CCDC28A: variants seen among roughly 807,000 people sequenced by gnomAD.
CCDC28A encodes coiled-coil domain containing 28A.
Under a neutral mutation model 22.1 loss-of-function variants are expected in CCDC28A, and 24 were observed. That is an observed-to-expected ratio of 1.09 (90% CI 0.79 to 1.53). CCDC28A has a LOEUF of 1.53. CCDC28A is among the 40% of genes most tolerant of loss of function. The pLI, the probability that CCDC28A is intolerant of heterozygous loss-of-function variation, is 0.00. For synonymous variants in CCDC28A, 83 were observed against 74.7 expected, an observed-to-expected ratio of 1.11 and a Z score of -0.57; for missense variants, 170 against 210.7, an observed-to-expected ratio of 0.81 and a Z score of 1.20.
intron 3 of CCDC28A, among the ~76,000 whole-genome samples, chr6:138,784,287 A>G (rs1417988011): frequency 1.3e-5 from 2 of 151,912 alleles, no homozygotes; most frequent in African/African-American, 4.8e-5. Flanking sequence ...TTGCTTCTAC[A>G]TATTATATTA....
intron 4 of CCDC28A, among the ~76,000 whole-genome samples, chr6:138,785,956 A>T (rs767884989): frequency 6.6e-6 from 1 of 152,194 alleles, no homozygotes; most frequent in Non-Finnish European, 1.5e-5. Flanking sequence ...GACATTTGCT[A>T]TTTCTGCTAA....
Position 138,792,765 on chromosome 6 carries a change from G to C in CCDC28A, c.517G>C (p.Ala173Pro). 1 of 1,607,096 alleles carries C rather than the reference G, an allele frequency of 6.2e-7. No individual in the cohort carries two copies. Among genetic ancestry groups the C allele is most frequent in the Non-Finnish European group, 8.5e-7 (1 of 1,176,262 alleles). ...TTAATTCAGACAAAAACTCCATTTG[G>C]CAGATGCACAAGATGTTCCAAATAC... ...LNSSIQKLHL[A>P]DAQDVPNTSA... is the part of the protein sequence containing the mutation. Residue 173 changes from alanine to proline, a missense_variant, in exon 6 of 6, where the codon GCA becomes CCA. Ala to Pro is a conservative substitution (Grantham distance 27). Coordinates refer to ENST00000617445, the MANE Select transcript of CCDC28A (RefSeq NM_015439.3).
chr6:138,787,957 C>CTTT (rs397886393), intron 4 of CCDC28A, among the ~76,000 whole-genome samples: 50 of 85,290 alleles, frequency 5.9e-4, no homozygotes, highest in South Asian at 8.1e-4. Flanking sequence ...TTACAGAAAG[C>CTTT]TTTTTTTTTT....
At chr6:138,784,424 C>A (rs1280548245) in intron 3 of CCDC28A, among the ~76,000 whole-genome samples, 1 of 150,272 alleles carries the variant, frequency 6.7e-6, no homozygotes, top group Non-Finnish European at 1.5e-5. Flanking sequence ...GAACACAGCT[C>A]ACTGCAACCT....
At chr6:138,778,678 C>T (rs778684007) in intron 2 of CCDC28A, among the ~76,000 whole-genome samples, 39 of 151,436 alleles carry the variant, frequency 2.6e-4, no homozygotes, top group Non-Finnish European at 4.6e-4. Context: ...TTCTAGGAAA[C>T]GAAAGAGATT....
At chr6:138,788,722 G>A (rs961928573) in intron 5 of CCDC28A, among the ~76,000 whole-genome samples, 6 of 151,898 alleles carry the variant, frequency 4.0e-5, no homozygotes, top group African/African-American at 1.2e-4. Context: ...GATTACAGGC[G>A]TGAGACACCA....
At chr6:138,784,570 A>G (rs988604252) in intron 3 of CCDC28A, among the ~76,000 whole-genome samples, 1 of 151,968 alleles carries the variant, frequency 6.6e-6, no homozygotes, top group Non-Finnish European at 1.5e-5. Context: ...CCATGTTGCC[A>G]GGCTGGTCTT....
intron 4 of CCDC28A, among the ~76,000 whole-genome samples, chr6:138,787,014 C>T (rs760863154): frequency 2.0e-5 from 3 of 152,080 alleles, no homozygotes; most frequent in Non-Finnish European, 4.4e-5. Context: ...AAAAGAACGC[C>T]GAATTTGAAA....
intron 2 of CCDC28A, among the ~76,000 whole-genome samples, 162 bp from the exon 3 acceptor site, chr6:138,779,659 CT>C (rs1021228335): frequency 4.0e-5 from 6 of 151,840 alleles, no homozygotes; most frequent in African/African-American, 1.5e-4. Flanking sequence ...TTTTCACAAC[CT>C]TTTTTTTCTT....
In CCDC28A at chr6:138,780,002, T is replaced by G. The variant is rs372332723; in HGVS notation, c.322+17T>G. ...AAGCATTTGGTAAGCAATAGATGTT[T>G]CTGTATTATTTTTTTCTCTAAGATG... On this transcript the variant is annotated intron_variant, in intron 3 of 5. Transcript: ENST00000617445. 5 of 1,579,810 alleles carry G rather than the reference T, an allele frequency of 3.2e-6. No homozygotes were observed. Among genetic ancestry groups the G allele is most frequent in the Non-Finnish European group, 4.3e-6 (5 of 1,162,042 alleles).
chr6:138,788,848 A>AT (rs1350256627), intron 5 of CCDC28A, among the ~76,000 whole-genome samples: 1 of 151,932 alleles, frequency 6.6e-6, no homozygotes, highest in Non-Finnish European at 1.5e-5. Context: ...AAGACAAATT[A>AT]TTTTTTATCA....
intron 3 of CCDC28A, among the ~76,000 whole-genome samples, chr6:138,782,954 T>A (rs190141282): frequency 2.0e-3 from 299 of 152,138 alleles, no homozygotes; most frequent in African/African-American, 6.4e-3. Flanking sequence ...GTTTTTTTTT[T>A]AAAAAATTCT....
chr6:138,788,440 G>A (rs777704295), intron 5 of CCDC28A, 52 bp downstream of exon 5: 1 of 896,526 alleles, frequency 1.1e-6, no homozygotes, highest in Non-Finnish European at 1.6e-6. Flanking sequence ...ACAATTTCTG[G>A]TGAATAATCT....
chr6:138,785,227 GA>G lies in CCDC28A; in HGVS notation c.326del (p.Asn109MetfsTer18). The G allele has an allele frequency of 6.2e-7, 1 of 1,611,826 alleles. No homozygotes were observed. The highest frequency in any genetic ancestry group is 8.5e-7 in the Non-Finnish European group (1 of 1,178,308). On this transcript the variant is annotated frameshift_variant and splice_region_variant, in exon 4 of 6. Coordinates refer to ENST00000617445, the MANE Select transcript of CCDC28A (RefSeq NM_015439.3). LOFTEE classifies it high-confidence loss of function. ...DFHSGKLQAF[G>X]NECSIEQMEH... is the part of the protein sequence containing the mutation. ...ATTAATGTTCTGGAATGTTCCCAAG[GA>G]AATGAATGTTCCATTGAACAGATGG... is the stretch of plus-strand genomic sequence containing the variant.
intron 5 of CCDC28A, among the ~76,000 whole-genome samples, chr6:138,790,343 GT>G: frequency 1.3e-5 from 2 of 152,246 alleles, no homozygotes; most frequent in Middle Eastern, 6.8e-3. Context: ...TAGAGACGGG[GT>G]TTCACCATGT....
chr6:138,784,685 G>A (rs1373394448), intron 3 of CCDC28A, among the ~76,000 whole-genome samples: 12 of 150,046 alleles, frequency 8.0e-5, no homozygotes, highest in African/African-American at 1.5e-4. Context: ...AAAAAGAAAC[G>A]TTTCCTATAT....
intron 4 of CCDC28A, among the ~76,000 whole-genome samples, chr6:138,787,416 A>C (rs1027277650): frequency 1.3e-5 from 2 of 152,172 alleles, no homozygotes; most frequent in African/African-American, 4.8e-5. Flanking sequence ...CTGTAGAACT[A>C]TAAGAGGTAA....
At chr6:138,778,137 C>T (rs553661297) in intron 2 of CCDC28A, among the ~76,000 whole-genome samples, 7 of 152,292 alleles carry the variant, frequency 4.6e-5, no homozygotes, top group Admixed American at 2.0e-4. Flanking sequence ...ATATTATAGT[C>T]TCTTTCTTGT....
At chr6:138,792,534 A>C (rs1019423773) in intron 5 of CCDC28A, among the ~76,000 whole-genome samples, 1 of 131,280 alleles carries the variant, frequency 7.6e-6, no homozygotes, top group Non-Finnish European at 1.6e-5. Flanking sequence ...AAATTTAAAA[A>C]AAAAAAAGTC....
Sources: gnomAD v4.1 joint callset for allele counts (sites outside exome capture counted in the v4.1 genomes callset) on GRCh38, gnomAD v4.1.1 for gene constraint, MANE v1.5 for transcripts, NCBI Gene and HGNC (gene_info 2026-07-23, HGNC 2026-07-21) for gene names.